The following PCDHB7 variants were observed in gnomAD, a reference collection of about 807,000 sequenced individuals.
The protein encoded by PCDHB7 is protocadherin beta-7.
For synonymous variants in PCDHB7, 542 were observed against 463.1 expected, an observed-to-expected ratio of 1.17 and a Z score of -2.19; for missense variants, 1,148 against 1,011.6, an observed-to-expected ratio of 1.13 and a Z score of -1.83.
chr5:141,175,396 G>C lies in PCDHB7; in HGVS notation c.*179G>C. 1 of 744,622 alleles carries C rather than the reference G, an allele frequency of 1.3e-6. No individual in the cohort carries two copies. Among genetic ancestry groups the C allele is most frequent in the Non-Finnish European group, 2.1e-6 (1 of 467,530 alleles). The allele number at this position is 744,622 out of a possible 1,614,324, so 46.1% of individuals were successfully genotyped here. A position where few individuals can be genotyped will look rare whatever the true frequency, so the allele number is the denominator to read the frequency against. ...GTATCAAGAACCCTTCACAAAGCATGAAATGTATATGTGTAATGTTTTATG... is the reference window on the plus strand; with the variant it reads ...GTATCAAGAACCCTTCACAAAGCATCAAATGTATATGTGTAATGTTTTATG... On this transcript the variant is annotated 3_prime_UTR_variant, in exon 1 of 1. Transcript: ENST00000231137.
chr5:141,174,561 T>A lies in PCDHB7; in HGVS notation c.1726T>A (p.Leu576Met). The A allele has an allele frequency of 1.0e-5, 15 of 1,482,296 alleles. No homozygotes were observed. The highest frequency in any genetic ancestry group is 1.9e-5 in the Admixed American group (1 of 51,844). 91.8% of individuals were successfully genotyped at this position (1,482,296 alleles called of 1,614,324 possible). A position where few individuals can be genotyped will look rare whatever the true frequency, so the allele number is the denominator to read the frequency against. The change falls in exon 1 of 1, where the codon TTG (leucine) becomes ATG (methionine). Residue 576 changes from leucine (L) to methionine (M), a missense_variant. By Grantham distance (15) the Leu-to-Met change is conservative. Transcript: ENST00000231137. ...QNSSAPCTEPLPRAAEPGYLV... is the reference protein window; with the variant it reads ...QNSSAPCTEPMPRAAEPGYLV... Reference sequence around the variant, plus strand: ...CAGCTCCGCGCCCTGCACCGAGCCGTTGCCCCGGGCGGCCGAGCCGGGCTA... The same window carrying A: ...CAGCTCCGCGCCCTGCACCGAGCCGATGCCCCGGGCGGCCGAGCCGGGCTA...
chr5:141,174,167 C>T lies in PCDHB7; in HGVS notation c.1332C>T (p.Val444=). Residue 444 remains valine (V), a synonymous_variant, in exon 1 of 1, where the codon GTC becomes GTT. Transcript: ENST00000231137. ...ACATAACCGTGCTGGTCTCCGACGT[C>T]AATGACAACGCTCCCGCCTTCACCC... ...EHNITVLVSD[V]NDNAPAFTQT... is the part of the protein sequence containing the mutation. The T allele has an allele frequency of 6.2e-7, 1 of 1,613,822 alleles. No individual in the cohort carries two copies. The highest frequency in any genetic ancestry group is 8.5e-7 in the Non-Finnish European group (1 of 1,180,044).
In PCDHB7 at chr5:141,174,212, T is replaced by C. The variant is rs114684348; in HGVS notation, c.1377T>C (p.Phe459=). 2.5e-4 allele frequency: 406 copies of C among 1,613,258 alleles called. No homozygotes were observed. The highest frequency in any genetic ancestry group is 7.4e-4 in the Middle Eastern group (4 of 5,378). ...TCACCCAAACCTCCTACACCCTGTT[T>C]GTCCGTGAGAACAACAGCCCCGCCC... ...PAFTQTSYTL[F]VRENNSPALP... Residue 459 remains phenylalanine, a synonymous_variant, in exon 1 of 1, where the codon TTT becomes TTC. Coordinates refer to ENST00000231137, the MANE Select transcript of PCDHB7 (RefSeq NM_018940.4).
rs1305094144 is a variant in PCDHB7 at position 141,172,809 on chromosome 5, C to T, written c.-27C>T. ...GAGCCGCTGGAGGCTGAGTGAAAGTCATTTTGAAAGACTGATCCAAAGAAG... is the reference window on the plus strand; with the variant it reads ...GAGCCGCTGGAGGCTGAGTGAAAGTTATTTTGAAAGACTGATCCAAAGAAG... On this transcript the variant is annotated 5_prime_UTR_variant, in exon 1 of 1. Coordinates refer to ENST00000231137, the MANE Select transcript of PCDHB7 (RefSeq NM_018940.4). The T allele has an allele frequency of 3.8e-6, 6 of 1,581,766 alleles. No homozygotes were observed. In the Admixed American group the frequency reaches 5.2e-5, roughly 14 times the overall value.
At position 141,175,740 on chromosome 5, in the gene PCDHB7, G is replaced by A. The variant is rs1422712046; in HGVS notation, c.*523G>A. 1.2e-5 allele frequency: 2 copies of A among 172,236 alleles called. No homozygotes were observed. The highest frequency in any genetic ancestry group is 2.8e-5 in the Non-Finnish European group (2 of 71,686). 10.7% of individuals were successfully genotyped at this position (172,236 alleles called of 1,614,324 possible). ...TTCACTAAGTTCCACTAACTAATAA[G>A]TGACAAAACTGAGCATCCATCCCAG... On this transcript the variant is annotated 3_prime_UTR_variant, in exon 1 of 1. Transcript: ENST00000231137.
rs1274563915 is a variant in PCDHB7 at position 141,175,523 on chromosome 5, G to T, written c.*306G>T. The T allele has an allele frequency of 2.8e-5, 11 of 388,390 alleles. No homozygotes were observed. Among genetic ancestry groups the T allele is most frequent in the Non-Finnish European group, 4.6e-5 (10 of 217,322 alleles). 24.1% of individuals were successfully genotyped at this position (388,390 alleles called of 1,614,324 possible). On this transcript the variant is annotated 3_prime_UTR_variant, in exon 1 of 1. Coordinates refer to ENST00000231137, the MANE Select transcript of PCDHB7 (RefSeq NM_018940.4). The stretch of plus-strand genomic sequence containing the variant: ...TTCAATCTCTACTGAGACTTCCTGA[G>T]TTGATTAGAAAGCTGTATGAGTGTA...
At position 141,175,230 on chromosome 5, in the gene PCDHB7, A is replaced by G. The variant is rs782480763; in HGVS notation, c.*13A>G. On this transcript the variant is annotated 3_prime_UTR_variant, in exon 1 of 1. Coordinates refer to ENST00000231137, the MANE Select transcript of PCDHB7 (RefSeq NM_018940.4). The stretch of plus-strand genomic sequence containing the variant: ...TTTGGGTTTCTGATAAAGAATGTAA[A>G]CTAAATCCGCGTCTGTGAATACGTT... The G allele has an allele frequency of 7.6e-6, 12 of 1,587,414 alleles. No individual in the cohort carries two copies. The highest frequency in any genetic ancestry group is 1.0e-5 in the Non-Finnish European group (12 of 1,166,820).
In PCDHB7 at chr5:141,173,491, C is replaced by G. The variant is rs781923883; in HGVS notation, c.656C>G (p.Ser219Cys). ...ACCCTCACCGCTTTAGACGGCGGCT[C>G]TCCTCCAAGATCAGGGACCGCCCTC... is the stretch of plus-strand genomic sequence containing the variant. The part of the protein sequence containing the change: ...SLTLTALDGG[S>C]PPRSGTALVR... Residue 219 changes from serine (S) to cysteine (C), a missense_variant, in exon 1 of 1, where the codon TCT becomes TGT. Coordinates refer to ENST00000231137, the MANE Select transcript of PCDHB7 (RefSeq NM_018940.4). The G allele has an allele frequency of 3.1e-6, 5 of 1,614,104 alleles. No homozygotes were observed. Among genetic ancestry groups the G allele is most frequent in the South Asian group, 1.1e-5 (1 of 91,074 alleles).
At position 141,173,026 on chromosome 5, in the gene PCDHB7, C is replaced by G; in HGVS notation, c.191C>G (p.Thr64Ser). 6.2e-7 allele frequency: 1 copy of G among 1,614,154 alleles called. No individual in the cohort carries two copies. The highest frequency in any genetic ancestry group is 8.5e-7 in the Non-Finnish European group (1 of 1,180,032). ...GTAGGGGAACTGAGAGCCCGGGGAA[C>G]TAGAATTGTTTCAGACCAGAACATG... Reference protein sequence around the residue: ...LGVGELRARGTRIVSDQNMQI... With the variant: ...LGVGELRARGSRIVSDQNMQI... The change falls in exon 1 of 1, where the codon ACT becomes AGT. Residue 64 changes from threonine to serine, a missense_variant. Coordinates refer to ENST00000231137, the MANE Select transcript of PCDHB7 (RefSeq NM_018940.4).
chr5:141,173,067 A>G lies in PCDHB7; in HGVS notation c.232A>G (p.Ser78Gly). The G allele has an allele frequency of 6.2e-7, 1 of 1,614,190 alleles. No individual in the cohort carries two copies. Among genetic ancestry groups the G allele is most frequent in the Non-Finnish European group, 8.5e-7 (1 of 1,180,030 alleles). The change falls in exon 1 of 1, where the codon AGT (serine) becomes GGT (glycine). Residue 78 changes from serine (S) to glycine (G), a missense_variant. Coordinates refer to ENST00000231137, the MANE Select transcript of PCDHB7 (RefSeq NM_018940.4). Reference sequence around the variant, plus strand: ...CCAGAACATGCAAATTTTACTGCTCAGTTCGCTTACTGGTGATCTACTTCT... The same window carrying G: ...CCAGAACATGCAAATTTTACTGCTCGGTTCGCTTACTGGTGATCTACTTCT... ...SDQNMQILLL[S>G]SLTGDLLLNE... is the part of the protein sequence containing the mutation.
Position 141,173,441 on chromosome 5 carries a change from G to C in PCDHB7, c.606G>C (p.Arg202=), listed in dbSNP as rs782664763. The C allele has an allele frequency of 1.2e-6, 2 of 1,614,154 alleles. No homozygotes were observed. Among genetic ancestry groups the C allele is most frequent in the Non-Finnish European group, 1.7e-6 (2 of 1,180,036 alleles). Residue 202 remains arginine, a synonymous_variant, in exon 1 of 1, where the codon CGG becomes CGC. Coordinates refer to ENST00000231137, the MANE Select transcript of PCDHB7 (RefSeq NM_018940.4). ...PELVLNQVLD[R]EEIPEFSLTL... is the part of the protein sequence containing the mutation. The stretch of plus-strand genomic sequence containing the variant: ...TGGTGCTGAATCAAGTGCTGGATCG[G>C]GAAGAGATACCAGAGTTCAGTTTAA...
At position 141,173,228 on chromosome 5, in the gene PCDHB7, AG is replaced by A; in HGVS notation, c.394del (p.Val132TyrfsTer3). ...WVRDINDHAP[V>X]FLDREISLKI... is the part of the protein sequence containing the mutation. ...TCAGAGACATCAATGATCACGCTCC[AG>A]TATTTCTAGACAGAGAGATTTCCTT... On this transcript the variant is annotated frameshift_variant, in exon 1 of 1. Transcript: ENST00000231137. LOFTEE classifies it low-confidence loss of function (END_TRUNC). 1 of 1,614,210 alleles carries A rather than the reference AG, an allele frequency of 6.2e-7. No homozygotes were observed. The highest frequency in any genetic ancestry group is 2.2e-5 in the East Asian group (1 of 44,884).
Position 141,174,408 on chromosome 5 carries a change from C to T in PCDHB7, c.1573C>T (p.Gln525Ter). ...CAGGTCCCTGGACTACGAGGCCCTG[C>T]AGGCGTTCGAGTTCCGCGTGGGCGC... ...ALRSLDYEAL[Q>*]AFEFRVGATD... The change falls in exon 1 of 1, where the codon CAG becomes TAG. Residue 525 changes from glutamine (Q) to a stop codon, truncating the protein, a stop_gained. Coordinates refer to ENST00000231137, the MANE Select transcript of PCDHB7 (RefSeq NM_018940.4). LOFTEE classifies it low-confidence loss of function (END_TRUNC). The T allele has an allele frequency of 6.2e-7, 1 of 1,612,388 alleles. No homozygotes were observed. Among genetic ancestry groups the T allele is most frequent in the Non-Finnish European group, 8.5e-7 (1 of 1,179,814 alleles).
rs782500710 is a variant in PCDHB7 at position 141,174,508 on chromosome 5, C to T, written c.1673C>T (p.Ser558Leu). 20 of 1,610,764 alleles carry T rather than the reference C, an allele frequency of 1.2e-5. No individual in the cohort carries two copies. The highest frequency in any genetic ancestry group is 1.7e-5 in the Admixed American group (1 of 59,914). The change falls in exon 1 of 1, where the codon TCG becomes TTG. Residue 558 changes from serine to leucine, a missense_variant. By Grantham distance (145) the Ser-to-Leu change is moderately radical. Transcript: ENST00000231137. ...CTGGTGCTGGACGCCAACGACAACT[C>T]GCCCTTCGTGCTGTACCCGCTGCAG... ...RVLVLDANDN[S>L]PFVLYPLQNS...
At position 141,173,837 on chromosome 5, in the gene PCDHB7, G is replaced by A. The variant is rs998827095; in HGVS notation, c.1002G>A (p.Val334=). Reference sequence around the variant, plus strand: ...GGCTTTCTGGAAAATGCACTGTAGTGGTTGATGTAACAGATATAAACGATA... The same window carrying A: ...GGCTTTCTGGAAAATGCACTGTAGTAGTTGATGTAACAGATATAAACGATA... ...GGGLSGKCTV[V]VDVTDINDNR... The change falls in exon 1 of 1, where the codon GTG becomes GTA. Residue 334 remains valine (V), a synonymous_variant. Coordinates refer to ENST00000231137, the MANE Select transcript of PCDHB7 (RefSeq NM_018940.4). 2 of 1,614,058 alleles carry A rather than the reference G, an allele frequency of 1.2e-6. No homozygotes were observed. Among genetic ancestry groups the A allele is most frequent in the Admixed American group, 1.7e-5 (1 of 60,010 alleles).
rs1554280215 is a variant in PCDHB7 at position 141,174,326 on chromosome 5, C to A, written c.1491C>A (p.His497Gln). The change falls in exon 1 of 1, where the codon CAC (histidine) becomes CAA (glutamine). Residue 497 changes from histidine to glutamine, a missense_variant. By Grantham distance (24) the His-to-Gln change is conservative. Transcript: ENST00000231137. ...CCCTGCTGCCGTCCCAGGACCCGCACCTGCCCCTCGCCTCCCTGGTCTCCA... is the reference window on the plus strand; with the variant it reads ...CCCTGCTGCCGTCCCAGGACCCGCAACTGCCCCTCGCCTCCCTGGTCTCCA... ...IYSLLPSQDP[H>Q]LPLASLVSIN... The A allele has an allele frequency of 6.2e-7, 1 of 1,612,974 alleles. No homozygotes were observed. The highest frequency in any genetic ancestry group is 1.7e-5 in the Admixed American group (1 of 59,992).
In PCDHB7 at chr5:141,175,325, G is replaced by A; in HGVS notation, c.*108G>A. The A allele has an allele frequency of 8.6e-7, 1 of 1,164,858 alleles. No individual in the cohort carries two copies. The highest frequency in any genetic ancestry group is 1.2e-6 in the Non-Finnish European group (1 of 837,784). 72.2% of individuals were successfully genotyped at this position (1,164,858 alleles called of 1,614,324 possible). The stretch of plus-strand genomic sequence containing the variant: ...TACATCATTTCAAATATGTACTCTT[G>A]AAGTCAAGCAATAAATTTCTATACA... On this transcript the variant is annotated 3_prime_UTR_variant, in exon 1 of 1. Transcript: ENST00000231137.
chr5:141,174,639 C>G lies in PCDHB7; in HGVS notation c.1804C>G (p.Leu602Val). 1 of 1,610,296 alleles carries G rather than the reference C, an allele frequency of 6.2e-7. No individual in the cohort carries two copies. The highest frequency in any genetic ancestry group is 1.1e-5 in the South Asian group (1 of 90,968). The change falls in exon 1 of 1, where the codon CTG becomes GTG. Residue 602 changes from leucine (L) to valine (V), a missense_variant. Physicochemically the swap from Leu to Val is conservative, Grantham distance 32. Coordinates refer to ENST00000231137, the MANE Select transcript of PCDHB7 (RefSeq NM_018940.4). ...CGGCGACTCGGGCCAGAACGCCTGGCTGTCGTACCAGCTGCTCAAGGCCAC... is the reference window on the plus strand; with the variant it reads ...CGGCGACTCGGGCCAGAACGCCTGGGTGTCGTACCAGCTGCTCAAGGCCAC... Reference protein sequence around the residue: ...VDGDSGQNAWLSYQLLKATEP... With the variant: ...VDGDSGQNAWVSYQLLKATEP...
rs1297401816 is a variant in PCDHB7 at position 141,175,148 on chromosome 5, C to A, written c.2313C>A (p.Asn771Lys). ...EFKFLKPIIP[N>K]LLPQSTGREV... The stretch of plus-strand genomic sequence containing the variant: ...AGTTTCTGAAACCAATTATCCCCAA[C>A]CTGCTACCCCAGAGCACAGGCAGGG... The change falls in exon 1 of 1, where the codon AAC (asparagine) becomes AAA (lysine). Residue 771 changes from asparagine to lysine, a missense_variant. Coordinates refer to ENST00000231137, the MANE Select transcript of PCDHB7 (RefSeq NM_018940.4). 9.3e-6 allele frequency: 15 copies of A among 1,614,198 alleles called. No homozygotes were observed. The highest frequency in any genetic ancestry group is 1.3e-5 in the Non-Finnish European group (15 of 1,180,014).
Sources: allele counts gnomAD v4.1 joint callset, GRCh38; gene constraint gnomAD v4.1.1; transcripts MANE v1.5; gene names NCBI Gene and HGNC (gene_info 2026-07-23, HGNC 2026-07-21).